The following DIP2C variants were observed in gnomAD, a reference collection of about 807,000 sequenced individuals.
DIP2C encodes the protein DIP2 acetate--CoA ligase C (putative).
DIP2C carries 33 observed loss-of-function variants against 192.4 expected under a neutral mutation model. The observed-to-expected ratio is 0.17, with a 90% CI of 0.13 to 0.23. The LOEUF (loss-of-function observed/expected upper bound fraction) is 0.23. Ranked by LOEUF, DIP2C falls within the 10% of genes least tolerant of loss-of-function variation. The pLI, the probability that DIP2C is intolerant of heterozygous loss-of-function variation, is 1.00. For missense variants in DIP2C, 1,537 were observed against 2,110.1 expected (o/e 0.73, Z 5.32); for synonymous variants, 979 against 864.1 (o/e 1.13, Z -2.33).
rs572432099 is a variant in DIP2C at position 517,067 on chromosome 10, G to C, written c.86-30537C>G. Among the ~76,000 whole-genome samples the C allele has an allele frequency of 5.3e-5, 8 of 151,946 alleles. No individual in the cohort carries two copies. In the South Asian group the frequency reaches 1.7e-3, roughly 32 times the overall value. Reference sequence around the variant, plus strand: ...TAGAGCACAGAGGTTCAGGTCTAGTGGCACAGTCAAACGTTGACAGACTCC... The same window carrying C: ...TAGAGCACAGAGGTTCAGGTCTAGTCGCACAGTCAAACGTTGACAGACTCC... On this transcript the variant is annotated intron_variant, in intron 1 of 36. Coordinates refer to ENST00000280886, the MANE Select transcript of DIP2C (RefSeq NM_014974.3).
At chr10:685,187 CATATATATATATAT>C (rs1206918396) in intron 1 of DIP2C, among the ~76,000 whole-genome samples, 16 of 22,318 alleles carry the variant, frequency 7.2e-4, no homozygotes, top group Non-Finnish European at 1.5e-3. Flanking sequence ...TATATATATA[CATATATATATATAT>C]ATATATAAAC....
At chr10:471,070 G>A (rs2133437020) in intron 3 of DIP2C, among the ~76,000 whole-genome samples, 1 of 152,236 alleles carries the variant, frequency 6.6e-6, no homozygotes, top group Non-Finnish European at 1.5e-5. Context: ...GTCTCAATAT[G>A]TGTCGGGGCT....
chr10:619,773 G>C (rs749036323), intron 1 of DIP2C, among the ~76,000 whole-genome samples: 33 of 152,272 alleles, frequency 2.2e-4, no homozygotes, highest in Admixed American at 3.9e-4. Context: ...CATGGGCCCA[G>C]GGACCGGCAG....
chr10:585,288 G>A (rs1169759930), intron 1 of DIP2C, among the ~76,000 whole-genome samples: 3 of 152,168 alleles, frequency 2.0e-5, no homozygotes, highest in Admixed American at 1.3e-4. Flanking sequence ...AGCGGGCATC[G>A]CCCTCACAAG....
At chr10:404,841 T>G (rs1327599290) in intron 9 of DIP2C, among the ~76,000 whole-genome samples, 1 of 152,236 alleles carries the variant, frequency 6.6e-6, no homozygotes, top group Non-Finnish European at 1.5e-5. Context: ...CCACAACCAA[T>G]TATTTCTTCA....
chr10:329,539 A>T lies in DIP2C; in HGVS notation c.3647T>A (p.Leu1216Ter). The T allele has an allele frequency of 6.2e-7, 1 of 1,614,206 alleles. No individual in the cohort carries two copies. ...PPSELETNPA[L>*]WLLAVSQYKV... ...GTACTGACTCACGGCAAGAAGCCAC[A>T]AGGCGGGGTTGGTTTCCAGCTCAGA... Residue 1216 changes from leucine to a stop codon, truncating the protein, a stop_gained, in exon 30 of 37, where the codon TTG (leucine) becomes TAG (stop). Transcript: ENST00000280886. LOFTEE classifies it high-confidence loss of function.
chr10:414,906 AT>A (rs66514106), intron 7 of DIP2C, among the ~76,000 whole-genome samples: 3,036 of 83,156 alleles, frequency 0.037, 160 homozygotes, highest in African/African-American at 0.086. Context: ...ATATATATAT[AT>A]TTTTTTTTTT....
chr10:293,713 T>A (rs1310147818), intron 32 of DIP2C, among the ~76,000 whole-genome samples: 1 of 152,170 alleles, frequency 6.6e-6, no homozygotes, highest in East Asian at 1.9e-4. Context: ...CATAAGAGCA[T>A]TAAAATCACA....
intron 1 of DIP2C, among the ~76,000 whole-genome samples, chr10:536,524 T>C (rs559123429): frequency 1.3e-5 from 2 of 152,294 alleles, no homozygotes; most frequent in Admixed American, 6.5e-5. Context: ...GTTGTATCTA[T>C]CTGCAAAGAC....
chr10:590,030 G>A (rs1009959058), intron 1 of DIP2C, among the ~76,000 whole-genome samples: 2 of 152,242 alleles, frequency 1.3e-5, no homozygotes, highest in Non-Finnish European at 2.9e-5. Context: ...TCAAACAGGA[G>A]AAAGGTAGGA....
intron 1 of DIP2C, among the ~76,000 whole-genome samples, chr10:524,110 G>A (rs1409014238): frequency 3.1e-4 from 47 of 151,578 alleles, no homozygotes; most frequent in Admixed American, 3.1e-3. Context: ...CTTCAGGAAG[G>A]AGTCCCTGGC....
chr10:546,523 C>T (rs528321342), intron 1 of DIP2C, among the ~76,000 whole-genome samples: 1 of 152,292 alleles, frequency 6.6e-6, no homozygotes. Context: ...TGATCCCATG[C>T]TATATACAGT....
At chr10:548,632 G>A (rs533552466) in intron 1 of DIP2C, among the ~76,000 whole-genome samples, 2 of 149,486 alleles carry the variant, frequency 1.3e-5, no homozygotes, top group Admixed American at 6.6e-5. Flanking sequence ...GGTGTGGTGG[G>A]GGGAGGAGAT....
chr10:421,098 T>C (rs181505175), intron 5 of DIP2C, among the ~76,000 whole-genome samples: 31 of 152,320 alleles, frequency 2.0e-4, no homozygotes, highest in African/African-American at 6.5e-4. Flanking sequence ...CTGCTTTTTT[T>C]CCAAAAAAAT....
chr10:421,850 A>G (rs1245858252), intron 5 of DIP2C, among the ~76,000 whole-genome samples: 1 of 152,192 alleles, frequency 6.6e-6, no homozygotes, highest in Non-Finnish European at 1.5e-5. Context: ...TCCTGCCAGC[A>G]AACTCCTGTT....
chr10:308,102 G>A (rs748814265), intron 32 of DIP2C, among the ~76,000 whole-genome samples: 1 of 143,636 alleles, frequency 7.0e-6, no homozygotes, highest in Non-Finnish European at 1.5e-5. Context: ...GGGAGGCTTT[G>A]GGGGTGCCTG....
At chr10:597,760 G>A (rs1166362550) in intron 1 of DIP2C, among the ~76,000 whole-genome samples, 1 of 152,192 alleles carries the variant, frequency 6.6e-6, no homozygotes, top group Non-Finnish European at 1.5e-5. Context: ...TACAAAATAA[G>A]CTTGAGGTTA....
chr10:359,472 T>A (rs746869059), intron 22 of DIP2C, among the ~76,000 whole-genome samples: 1 of 152,138 alleles, frequency 6.6e-6, no homozygotes, highest in Non-Finnish European at 1.5e-5. Context: ...CTGGACTCTG[T>A]GTAACAGTAA....
At chr10:306,350 CT>C (rs1376949472) in intron 32 of DIP2C, among the ~76,000 whole-genome samples, 3 of 152,124 alleles carry the variant, frequency 2.0e-5, no homozygotes, top group Non-Finnish European at 4.4e-5. Context: ...GCTAATACCC[CT>C]GTTCGACAAC....
Sources: gnomAD v4.1 joint callset for allele counts (sites outside exome capture counted in the v4.1 genomes callset) on GRCh38, gnomAD v4.1.1 for gene constraint, MANE v1.5 for transcripts, NCBI Gene and HGNC (gene_info 2026-07-23, HGNC 2026-07-21) for gene names.